Variants in ENPP2 observed in about 807,000 individuals in gnomAD.
ENPP2 encodes autotaxin.
Under a neutral mutation model 120.2 loss-of-function variants are expected in ENPP2, and 51 were observed. The ratio of observed to expected loss-of-function variants is 0.42; its 90% CI spans 0.34 to 0.54. The LOEUF is 0.54. Ranked by LOEUF, ENPP2 falls within the 20% of genes least tolerant of loss-of-function variation. ENPP2 has a pLI of 0.04. For missense variants in ENPP2, 920 were observed against 1,066.5 expected (o/e 0.86, Z 1.91); for synonymous variants, 365 against 366.4 (o/e 1.00, Z 0.04).
At chr8:119,599,615 T>A (rs938873230) in intron 11 of ENPP2, among the ~76,000 whole-genome samples, 1 of 152,164 alleles carries the variant, frequency 6.6e-6, no homozygotes, top group African/African-American at 2.4e-5. Flanking sequence ...GTGGGAACAT[T>A]TCTAACCATT....
In ENPP2 at chr8:119,663,330, G is replaced by A. The variant is rs1027985151; in HGVS notation, c.21+9922C>T. 9.2e-5 allele frequency among the ~76,000 whole-genome samples: 14 copies of A among 152,118 alleles called. No individual in the cohort carries two copies. The East Asian group carries it at 9.6e-4, about 10-fold the overall frequency. The stretch of plus-strand genomic sequence containing the variant: ...AATTTTCATAGACTTTTAAAATATC[G>A]AAAAATTATTAAGACTCCACCCACA... On this transcript the variant is annotated intron_variant, in intron 1 of 25. Coordinates refer to the ENPP2 transcript ENST00000427067.
chr8:119,635,898 G>A (rs1587547635), intron 2 of ENPP2, among the ~76,000 whole-genome samples: 1 of 152,164 alleles, frequency 6.6e-6, no homozygotes, highest in African/African-American at 2.4e-5. Context: ...GTACAGCAGC[G>A]AGGGCATCCA....
At chr8:119,577,614 T>G (rs888425928) in intron 19 of ENPP2, among the ~76,000 whole-genome samples, 1 of 152,198 alleles carries the variant, frequency 6.6e-6, no homozygotes, top group African/African-American at 2.4e-5. Context: ...AAGACAAATA[T>G]TTTTGAAGGC....
chr8:119,638,841 C>T, upstream of ENPP2: 1 of 1,612,036 alleles, frequency 6.2e-7, no homozygotes, highest in African/African-American at 1.3e-5. Context: ...GAGTGCACTG[C>T]TTTGAGGCTC....
intron 7 of ENPP2, 57 bp downstream of exon 7, chr8:119,617,107 A>T: frequency 9.2e-7 from 1 of 1,082,188 alleles, no homozygotes; most frequent in Non-Finnish European, 1.4e-6. Flanking sequence ...TCTCCTTTAA[A>T]GTCATTCCAG....
At chr8:119,645,304 C>A (rs939083338) in intron 1 of ENPP2, among the ~76,000 whole-genome samples, 1 of 152,164 alleles carries the variant, frequency 6.6e-6, no homozygotes, top group Non-Finnish European at 1.5e-5. Context: ...ACAAGTTCAC[C>A]CTCCCAATTT....
intron 1 of ENPP2, among the ~76,000 whole-genome samples, chr8:119,660,949 A>G (rs578080089): frequency 6.6e-6 from 1 of 152,368 alleles, no homozygotes; most frequent in South Asian, 2.1e-4. Context: ...TTCACAGAAA[A>G]TATTTGTAAG....
chr8:119,665,480 G>GGCATAT (rs1316075259), intron 1 of ENPP2, among the ~76,000 whole-genome samples: 1 of 152,150 alleles, frequency 6.6e-6, no homozygotes, highest in Admixed American at 6.5e-5. Context: ...CCTTTATTCT[G>GGCATAT]TGGCAAACAT....
intron 24 of ENPP2, among the ~76,000 whole-genome samples, chr8:119,560,660 T>A (rs552242308): frequency 6.6e-6 from 1 of 152,300 alleles, no homozygotes; most frequent in South Asian, 2.1e-4. Context: ...CTCTTCCAAC[T>A]AAACATTTTC....
chr8:119,638,747 C>T lies in ENPP2; in HGVS notation c.33+1G>A. The T allele has an allele frequency of 6.4e-7, 1 of 1,574,366 alleles. No individual in the cohort carries two copies. Among genetic ancestry groups the T allele is most frequent in the Non-Finnish European group, 8.7e-7 (1 of 1,143,638 alleles). On this transcript the variant is annotated splice_donor_variant, in intron 1 of 24. Coordinates refer to ENST00000075322, the MANE Select transcript of ENPP2 (RefSeq NM_001040092.3). LOFTEE classifies it high-confidence loss of function. ...CCCCCGTCATTCCTCCGTTCTCCCA[C>T]CTGACACGACTGGAACGAGCTCCTC...
chr8:119,643,177 G>A (rs1473622260), upstream of ENPP2, among the ~76,000 whole-genome samples: 3 of 152,124 alleles, frequency 2.0e-5, no homozygotes, highest in Admixed American at 1.3e-4. Flanking sequence ...CTGTTTTTAA[G>A]TTTTGCTGTG....
chr8:119,644,623 TATACACACAC>T (rs1283240047), intron 1 of ENPP2, among the ~76,000 whole-genome samples: 2 of 97,250 alleles, frequency 2.1e-5, no homozygotes, highest in East Asian at 6.3e-4. Flanking sequence ...TATATATATA[TATACACACAC>T]ACACACACAC....
chr8:119,660,391 T>C (rs1407497535), intron 1 of ENPP2, among the ~76,000 whole-genome samples: 1 of 152,176 alleles, frequency 6.6e-6, no homozygotes, highest in Non-Finnish European at 1.5e-5. Flanking sequence ...AGGAATGTAT[T>C]GGGGGAGCTG....
At chr8:119,620,964 A>G (rs1815852081) in intron 4 of ENPP2, among the ~76,000 whole-genome samples, 1 of 152,142 alleles carries the variant, frequency 6.6e-6, no homozygotes, top group Non-Finnish European at 1.5e-5. Context: ...CAATAGAGGG[A>G]GGCGAGGCTA....
chr8:119,673,146 G>C, intron 1 of ENPP2: 2 of 996,822 alleles, frequency 2.0e-6, no homozygotes, highest in East Asian at 2.6e-5. Flanking sequence ...ACTGCTTTCC[G>C]GCAAACCTGG....
At chr8:119,591,845 C>T (rs1813528153) in intron 12 of ENPP2, among the ~76,000 whole-genome samples, 1 of 152,108 alleles carries the variant, frequency 6.6e-6, no homozygotes, top group South Asian at 2.1e-4. Context: ...TGTTTTAGTA[C>T]AATGTTAGCG....
At chr8:119,661,867 G>A (rs13253545) in intron 1 of ENPP2, among the ~76,000 whole-genome samples, 52,608 of 151,802 alleles carry the variant, frequency 0.35, 9,296 homozygotes, top group East Asian at 0.51. Flanking sequence ...TGTCATTTGC[G>A]ACAATCTGGA....
intron 2 of ENPP2, among the ~76,000 whole-genome samples, chr8:119,634,955 C>G (rs1023628232): frequency 6.6e-6 from 1 of 152,124 alleles, no homozygotes; most frequent in African/African-American, 2.4e-5. Context: ...TAATTTCATT[C>G]CATTGACTCA....
chr8:119,670,374 T>C (rs1011456633), intron 1 of ENPP2, among the ~76,000 whole-genome samples: 1 of 152,230 alleles, frequency 6.6e-6, no homozygotes, highest in Non-Finnish European at 1.5e-5. Context: ...AGATGATAAT[T>C]TCCTGAAAGC....
Sources: gnomAD v4.1 joint callset for allele counts (sites outside exome capture counted in the v4.1 genomes callset) on GRCh38, gnomAD v4.1.1 for gene constraint, MANE v1.5 for transcripts, NCBI Gene and HGNC (gene_info 2026-07-23, HGNC 2026-07-21) for gene names.